DNAH8: variants seen among roughly 807,000 people sequenced by gnomAD.
DNAH8 encodes the protein dynein axonemal heavy chain 8, also known as axonemal beta dynein heavy chain 8.
DNAH8 carries 382 observed loss-of-function variants against 562.1 expected under a neutral mutation model. The ratio of observed to expected loss-of-function variants is 0.68; its 90% CI spans 0.63 to 0.74. The LOEUF is 0.74. Ranked by LOEUF, DNAH8 falls within the 30% of genes least tolerant of loss-of-function variation. DNAH8 has a pLI of 0.00. For synonymous variants in DNAH8, 1,881 were observed against 1,919.4 expected (o/e 0.98, Z 0.52); for missense variants, 5,203 against 5,620.4 (o/e 0.93, Z 2.37).
At chr6:38,814,884 A>C (rs1010867553) in intron 25 of DNAH8, among the ~76,000 whole-genome samples, 2 of 152,122 alleles carry the variant, frequency 1.3e-5, no homozygotes, top group African/African-American at 4.8e-5. Flanking sequence ...CAACTACCCC[A>C]GCTGCTGATG....
At chr6:38,842,115 A>T (rs1363218660) in intron 33 of DNAH8, among the ~76,000 whole-genome samples, 1 of 152,132 alleles carries the variant, frequency 6.6e-6, no homozygotes, top group Non-Finnish European at 1.5e-5. Context: ...TTTTTTCTTT[A>T]CAGAATAAAC....
rs76860005 is a variant in DNAH8, at chr6:38,989,796, T to C, written c.13054-216T>C. Among the ~76,000 whole-genome samples, 299 of 152,344 alleles carry C rather than the reference T, an allele frequency of 2.0e-3. 4 individuals carry two copies. The highest frequency in any genetic ancestry group is 0.011 in the East Asian group (58 of 5,190). On this transcript the variant is annotated intron_variant, in intron 87 of 92. Coordinates refer to ENST00000327475, the MANE Select transcript of DNAH8 (RefSeq NM_001206927.2). ...CCTTACTCTTGGTGAATATCTTCTTTGGTGTTAAATGGAGGCCAGGTCAAA... is the reference window on the plus strand; with the variant it reads ...CCTTACTCTTGGTGAATATCTTCTTCGGTGTTAAATGGAGGCCAGGTCAAA...
chr6:38,890,762 G>T lies in DNAH8; in HGVS notation c.8583+1G>T. 6.3e-7 allele frequency: 1 copy of T among 1,596,026 alleles called. No individual in the cohort carries two copies. The highest frequency in any genetic ancestry group is 8.6e-7 in the Non-Finnish European group (1 of 1,163,706). On this transcript the variant is annotated splice_donor_variant, in intron 58 of 92. Transcript: ENST00000327475. LOFTEE classifies it high-confidence loss of function. ...TAGAGTGCTGTGGCAATGGACTAAG[G>T]TACAGAATGGTTTGTCAATAATTTT... is the stretch of plus-strand genomic sequence containing the variant.
rs80110564 is a variant in DNAH8, at chr6:39,027,060, T to TAAACAAAC, written c.13836+409_13836+416dup. ...ACACTGGGAGACCCTGTCTCCACCATAAACAAACAAACAAACAAACAAAAA... is the reference window on the plus strand; with the variant it reads ...ACACTGGGAGACCCTGTCTCCACCATAAACAAACAAACAAACAAACAAACAAACAAAAA... On this transcript the variant is annotated intron_variant, in intron 92 of 92. Coordinates refer to ENST00000327475, the MANE Select transcript of DNAH8 (RefSeq NM_001206927.2). Among the ~76,000 whole-genome samples, 15 of 151,230 alleles carry TAAACAAAC rather than the reference T, an allele frequency of 9.9e-5. No homozygotes were observed. The South Asian group carries it at 1.5e-3, about 15-fold the overall frequency.
At chr6:38,781,427 A>T in intron 16 of DNAH8, 54 bp downstream of exon 16, 1 of 1,168,232 alleles carries the variant, frequency 8.6e-7, no homozygotes, top group Admixed American at 3.1e-5. Context: ...TAATATAACA[A>T]ATATATCATA....
chr6:38,828,414 A>C (rs1380836535), intron 30 of DNAH8, 126 bp downstream of exon 30: 1 of 559,980 alleles, frequency 1.8e-6, no homozygotes, highest in Non-Finnish European at 3.1e-6. Context: ...AGTCAACAAC[A>C]GACTGCATAT....
At chr6:38,809,076 A>G (rs1198473381) in intron 24 of DNAH8, among the ~76,000 whole-genome samples, 1 of 151,786 alleles carries the variant, frequency 6.6e-6, no homozygotes, top group Non-Finnish European at 1.5e-5. Flanking sequence ...GTACCCCAGA[A>G]CTTAAAGTAC....
At chr6:38,810,536 G>C (rs1651582158) in intron 24 of DNAH8, among the ~76,000 whole-genome samples, 1 of 151,962 alleles carries the variant, frequency 6.6e-6, no homozygotes, top group Non-Finnish European at 1.5e-5. Context: ...AGGTTGCAGT[G>C]AGTCAAGACT....
intron 49 of DNAH8, among the ~76,000 whole-genome samples, chr6:38,871,074 T>C (rs1050347860): frequency 5.3e-5 from 8 of 152,222 alleles, no homozygotes; most frequent in African/African-American, 1.9e-4. Flanking sequence ...AACCACTTGA[T>C]TGGATTACCA....
intron 59 of DNAH8, among the ~76,000 whole-genome samples, chr6:38,895,629 A>G (rs1420847728): frequency 6.6e-6 from 1 of 152,182 alleles, no homozygotes; most frequent in East Asian, 1.9e-4. Context: ...TAAAGTGTCT[A>G]CCATGTCTCA....
In DNAH8 at chr6:39,030,665, CT is replaced by C. The variant is rs753381191; in HGVS notation, c.*276del. On this transcript the variant is annotated 3_prime_UTR_variant, in exon 93 of 93. Coordinates refer to ENST00000327475, the MANE Select transcript of DNAH8 (RefSeq NM_001206927.2). ...AAAACCCTGTTTGGATGTTAGAACA[CT>C]TTGGAAGCTCTGAATTTTAAAAATT... The C allele has an allele frequency of 8.3e-5, 29 of 348,382 alleles. No homozygotes were observed. Among genetic ancestry groups the C allele is most frequent in the Non-Finnish European group, 1.5e-4 (28 of 191,522 alleles). The allele number at this position is 348,382 out of a possible 1,614,324, so 21.6% of individuals were successfully genotyped here.
chr6:38,810,476 C>G (rs1423862724), intron 24 of DNAH8, among the ~76,000 whole-genome samples: 1 of 152,044 alleles, frequency 6.6e-6, no homozygotes, highest in Non-Finnish European at 1.5e-5. Context: ...CCTGTAGTCC[C>G]AGCTGCTAGG....
rs748989880 is a variant in DNAH8, at chr6:39,008,798, T to A, written c.13215-16T>A. On this transcript the variant is annotated splice_polypyrimidine_tract_variant and intron_variant, in intron 88 of 92. Coordinates refer to ENST00000327475, the MANE Select transcript of DNAH8 (RefSeq NM_001206927.2). Reference sequence around the variant, plus strand: ...GTTTCCCTGTAACATTCTGAACAGCTCACTCTTTTTACTAGGTATCAGAGT... The same window carrying A: ...GTTTCCCTGTAACATTCTGAACAGCACACTCTTTTTACTAGGTATCAGAGT... 6.4e-7 allele frequency: 1 copy of A among 1,558,058 alleles called. No individual in the cohort carries two copies. Among genetic ancestry groups the A allele is most frequent in the South Asian group, 1.1e-5 (1 of 87,546 alleles).
intron 82 of DNAH8, among the ~76,000 whole-genome samples, chr6:38,960,088 A>G (rs1762509898): frequency 6.6e-6 from 1 of 152,062 alleles, no homozygotes; most frequent in African/African-American, 2.4e-5. Flanking sequence ...ACTAGACCCT[A>G]TCTCTCACCA....
At chr6:38,917,207 A>G in intron 68 of DNAH8, 32 bp from the exon 69 acceptor site, 1 of 1,526,400 alleles carries the variant, frequency 6.6e-7, no homozygotes, top group Non-Finnish European at 8.8e-7. Flanking sequence ...CCACTCAACA[A>G]ACAAAATATT....
rs774671297 is a variant in DNAH8, at chr6:38,857,664, T to G, written c.5880T>G (p.Asp1960Glu). ...CTCTCATTAGTCAGACAACACATGATCTAAGCAAGTTTGATAGAGTGAAGT... is the reference window on the plus strand; with the variant it reads ...CTCTCATTAGTCAGACAACACATGAGCTAAGCAAGTTTGATAGAGTGAAGT... ...LNTLISQTTHDLSKFDRVKFE... is the reference protein window; with the variant it reads ...LNTLISQTTHELSKFDRVKFE... The change falls in exon 42 of 93, where the codon GAT becomes GAG. Residue 1960 changes from aspartate to glutamate, a missense_variant. Asp to Glu is a conservative substitution (Grantham distance 45, BLOSUM62 2). Around this residue, in one of 6 missense-constraint regions of DNAH8, gnomAD observed 2,176 missense variants for 2,365.1 expected, o/e 0.92. Transcript: ENST00000327475. The G allele has an allele frequency of 8.1e-6, 13 of 1,613,738 alleles. No homozygotes were observed. The African/African-American group carries it at 1.6e-4, about 20-fold the overall frequency.
intron 11 of DNAH8, among the ~76,000 whole-genome samples, chr6:38,766,774 C>G (rs1767049130): frequency 6.6e-6 from 1 of 152,020 alleles, no homozygotes; most frequent in South Asian, 2.1e-4. Context: ...GAACATTTCA[C>G]AATGTATACA....
intron 24 of DNAH8, among the ~76,000 whole-genome samples, chr6:38,812,127 G>A (rs1271207056): frequency 3.3e-5 from 5 of 152,048 alleles, no homozygotes; most frequent in African/African-American, 7.2e-5. Context: ...GAGGCTGGCC[G>A]AGGCCCCATC....
At chr6:38,862,093 C>G (rs1022905758) in intron 43 of DNAH8, among the ~76,000 whole-genome samples, 187 bp from the exon 44 acceptor site, 1 of 151,974 alleles carries the variant, frequency 6.6e-6, no homozygotes, top group Admixed American at 6.6e-5. Flanking sequence ...CTCAAGAAAT[C>G]TTTGGGCTCA....
Sources: gnomAD v4.1 joint callset for allele counts (sites outside exome capture counted in the v4.1 genomes callset) on GRCh38, gnomAD v4.1.1 for gene constraint, gnomAD v4.1.1 regional missense constraint, MANE v1.5 for transcripts, NCBI Gene and HGNC (gene_info 2026-07-23, HGNC 2026-07-21) for gene names.